The following MRPS9 variants were observed in gnomAD, a reference collection of about 807,000 sequenced individuals.
MRPS9 encodes the protein mitochondrial ribosomal protein S9.
A neutral mutation model predicts 59.9 loss-of-function variants in MRPS9; 45 were observed. That is an observed-to-expected ratio of 0.75 (90% CI 0.59 to 0.96). The LOEUF is 0.96. MRPS9 is among the 40% of genes least tolerant of loss of function. MRPS9 has a pLI of 0.00. For synonymous variants in MRPS9, 171 were observed against 166.8 expected (o/e 1.03, Z -0.19); for missense variants, 473 against 481.1 (o/e 0.98, Z 0.16).
At chr2:105,058,765 C>T (rs370622106) in intron 2 of MRPS9, among the ~76,000 whole-genome samples, 3 of 151,374 alleles carry the variant, frequency 2.0e-5, no homozygotes, top group Admixed American at 6.6e-5. Context: ...CTGCAACCTC[C>T]GCCTCCCAGG....
chr2:105,092,659 A>G, intron 8 of MRPS9, 90 bp downstream of exon 8: 1 of 1,158,038 alleles, frequency 8.6e-7, no homozygotes, highest in Non-Finnish European at 1.2e-6. Context: ...GGTATCCATT[A>G]GATTTTTTAT....
chr2:105,088,445 A>G (rs941146924), intron 5 of MRPS9, among the ~76,000 whole-genome samples: 5 of 152,148 alleles, frequency 3.3e-5, no homozygotes, highest in African/African-American at 9.7e-5. Flanking sequence ...GTAAATTAAT[A>G]GGAGGAAATC....
chr2:105,077,244 C>CAAAAAAAAAAAAAAAAAAAAAA (rs56216293), intron 4 of MRPS9, among the ~76,000 whole-genome samples: 1 of 115,482 alleles, frequency 8.7e-6, no homozygotes, highest in Non-Finnish European at 1.8e-5. Context: ...GACTCCATCT[C>CAAAAAAAAAAAAAAAAAAAAAA]AAAAAAAAAA....
intron 2 of MRPS9, among the ~76,000 whole-genome samples, chr2:105,059,355 G>C (rs894862568): frequency 2.0e-5 from 3 of 152,110 alleles, no homozygotes; most frequent in Non-Finnish European, 4.4e-5. Flanking sequence ...GTATGTAGTT[G>C]AGCTGTATGG....
rs1345330858 is a variant in MRPS9, at chr2:105,061,037, G to C, written c.316-10276G>C. 4.7e-5 allele frequency among the ~76,000 whole-genome samples: 7 copies of C among 149,190 alleles called. 1 individual carries two copies. Among genetic ancestry groups the C allele is most frequent in the African/African-American group, 1.7e-4 (7 of 40,510 alleles). On this transcript the variant is annotated intron_variant, in intron 2 of 10. Coordinates refer to ENST00000258455, the MANE Select transcript of MRPS9 (RefSeq NM_182640.3). ...AGGCAGGAGAATGGCGTGAACCCGG[G>C]AGGTGGAACTTGCAGTGAGCCGAGA...
chr2:105,041,824 C>A (rs920460385), intron 1 of MRPS9, among the ~76,000 whole-genome samples: 1 of 152,080 alleles, frequency 6.6e-6, no homozygotes, highest in African/African-American at 2.4e-5. Context: ...GAGATCTAAT[C>A]CTGTCCTTGT....
At chr2:105,038,408 G>A (rs564429963) in intron 1 of MRPS9, 181 bp downstream of exon 1, 2 of 742,252 alleles carry the variant, frequency 2.7e-6, no homozygotes, top group East Asian at 2.8e-5. Flanking sequence ...AGCCGCTCTA[G>A]AGGTTGTTAC....
chr2:105,061,492 A>G, intron 2 of MRPS9, among the ~76,000 whole-genome samples: 1 of 152,204 alleles, frequency 6.6e-6, no homozygotes. Flanking sequence ...TAACTTCAGC[A>G]AGACAGTGCT....
chr2:105,083,229 TA>T (rs1189837010), intron 5 of MRPS9, among the ~76,000 whole-genome samples: 1 of 152,122 alleles, frequency 6.6e-6, no homozygotes, highest in Non-Finnish European at 1.5e-5. Flanking sequence ...GATGGCTGTG[TA>T]AAAAATAAAA....
In MRPS9 at chr2:105,073,035, G is replaced by A. The variant is rs536162741; in HGVS notation, c.409+1546G>A. 8.7e-4 allele frequency among the ~76,000 whole-genome samples: 132 copies of A among 152,156 alleles called. 1 individual carries two copies. The highest frequency in any genetic ancestry group is 3.0e-3 in the African/African-American group (126 of 41,542). ...GTTACAGAAGTAAAACTATGCACAG[G>A]GCACAGTAACTTACATTAAACACCT... On this transcript the variant is annotated intron_variant, in intron 4 of 10. Coordinates refer to ENST00000258455, the MANE Select transcript of MRPS9 (RefSeq NM_182640.3).
intron 2 of MRPS9, among the ~76,000 whole-genome samples, chr2:105,060,438 G>A (rs1050296416): frequency 5.3e-5 from 8 of 152,060 alleles, no homozygotes; most frequent in South Asian, 2.1e-4. Context: ...GCGCCACCGC[G>A]CCTGACTAAT....
Position 105,071,470 on chromosome 2 carries a change from G to T in MRPS9, c.390G>T (p.Gln130His). 1 of 1,604,782 alleles carries T rather than the reference G, an allele frequency of 6.2e-7. No homozygotes were observed. Among genetic ancestry groups the T allele is most frequent in the Non-Finnish European group, 8.5e-7 (1 of 1,174,756 alleles). Reference sequence around the variant, plus strand: ...AATTTATTTTACAGCATCCTGAACAGATTTTTCCAAGACAAAGAGGTAAGT... The same window carrying T: ...AATTTATTTTACAGCATCCTGAACATATTTTTCCAAGACAAAGAGGTAAGT... ...RARPVMKHPE[Q>H]IFPRQRAIQW... The change falls in exon 4 of 11, where the codon CAG becomes CAT. Residue 130 changes from glutamine to histidine, a missense_variant. Coordinates refer to ENST00000258455, the MANE Select transcript of MRPS9 (RefSeq NM_182640.3).
intron 2 of MRPS9, among the ~76,000 whole-genome samples, chr2:105,061,719 A>G (rs1679908770): frequency 6.6e-6 from 1 of 151,854 alleles, no homozygotes. Context: ...TGGGGGGAGG[A>G]GCATTGGGGA....
At chr2:105,058,707 T>G (rs6725829) in intron 2 of MRPS9, among the ~76,000 whole-genome samples, 146,574 of 148,742 alleles carry the variant, frequency 0.99, 72,230 homozygotes, top group East Asian at 1. Flanking sequence ...ACAGAGTCTC[T>G]CTCTGTTGCC....
intron 2 of MRPS9, among the ~76,000 whole-genome samples, chr2:105,054,094 T>C (rs1679757934): frequency 6.6e-6 from 1 of 152,238 alleles, no homozygotes; most frequent in Non-Finnish European, 1.5e-5. Flanking sequence ...AGATTCCTTG[T>C]GATGTCACTA....
chr2:105,048,870 A>G (rs1679657569), intron 1 of MRPS9, among the ~76,000 whole-genome samples: 1 of 151,952 alleles, frequency 6.6e-6, no homozygotes, highest in African/African-American at 2.4e-5. Context: ...TTGACCAATC[A>G]TTATCAAAAG....
At chr2:105,091,738 A>C (rs1231430216) in intron 7 of MRPS9, among the ~76,000 whole-genome samples, 1 of 152,144 alleles carries the variant, frequency 6.6e-6, no homozygotes, top group Non-Finnish European at 1.5e-5. Flanking sequence ...TCTGGCTTCT[A>C]ATTTTAAGGG....
At chr2:105,074,028 A>G (rs1680163918) in intron 4 of MRPS9, among the ~76,000 whole-genome samples, 1 of 152,204 alleles carries the variant, frequency 6.6e-6, no homozygotes, top group East Asian at 1.9e-4. Flanking sequence ...AGTAAAAATC[A>G]TATCATTCGA....
At position 105,093,628 on chromosome 2, in the gene MRPS9, A is replaced by T. The variant is rs769216183; in HGVS notation, c.919A>T (p.Thr307Ser). Residue 307 changes from threonine (T) to serine (S), a missense_variant, in exon 9 of 11, where the codon ACA (threonine) becomes TCA (serine). By Grantham distance (58) the Thr-to-Ser change is moderately conservative. Coordinates refer to ENST00000258455, the MANE Select transcript of MRPS9 (RefSeq NM_182640.3). ...GIDYQLYFPI[T>S]QDREQLMFPF... ...TGATTACCAGCTTTACTTCCCGATCACACAGGACAGGTTCGTTTTGGGTTC... is the reference window on the plus strand; with the variant it reads ...TGATTACCAGCTTTACTTCCCGATCTCACAGGACAGGTTCGTTTTGGGTTC... The T allele has an allele frequency of 9.4e-6, 15 of 1,592,264 alleles. No individual in the cohort carries two copies. The Admixed American group carries it at 1.2e-4, about 13-fold the overall frequency.
Sources: allele counts gnomAD v4.1 joint callset (sites outside exome capture counted in the v4.1 genomes callset), GRCh38; gene constraint gnomAD v4.1.1; transcripts MANE v1.5; gene names NCBI Gene and HGNC (gene_info 2026-07-23, HGNC 2026-07-21).